The following ZFP64 variants were observed in gnomAD, a reference collection of about 807,000 sequenced individuals.
The protein encoded by ZFP64 is ZFP64 zinc finger protein.
In ZFP64, 14 loss-of-function variants were observed where a neutral mutation model predicts 51.6. The ratio of observed to expected loss-of-function variants is 0.27; its 90% CI spans 0.18 to 0.42. ZFP64 has a LOEUF of 0.42. Ranked by LOEUF, ZFP64 falls within the 10% of genes least tolerant of loss-of-function variation. The probability of loss-of-function intolerance (pLI) is 1.00; values close to 1 mark genes in which losing one functional copy is unlikely to be tolerated. For synonymous variants in ZFP64, 375 were observed against 361.4 expected, an observed-to-expected ratio of 1.04 and a Z score of -0.43; for missense variants, 754 against 906.8, an observed-to-expected ratio of 0.83 and a Z score of 2.16.
chr20:52,149,808 A>G (rs1980700581), downstream of ZFP64, among the ~76,000 whole-genome samples: 1 of 152,244 alleles, frequency 6.6e-6, no homozygotes, highest in African/African-American at 2.4e-5. Flanking sequence ...GCTGGTAGGT[A>G]GAGATCTAAG....
At chr20:52,157,460 G>A (rs548911638) in intron 5 of ZFP64, among the ~76,000 whole-genome samples, 2 of 152,280 alleles carry the variant, frequency 1.3e-5, no homozygotes, top group East Asian at 3.9e-4. Flanking sequence ...GTTTCTCAAA[G>A]GTACATTTTG....
In ZFP64 at chr20:52,121,446, G is replaced by A. The variant is rs549821562; in HGVS notation, c.764-22859C>T. On this transcript the variant is annotated intron_variant, in intron 5 of 8. Coordinates refer to the ZFP64 transcript ENST00000361387. The stretch of plus-strand genomic sequence containing the variant: ...TGGTGAAACTTTTAGTCATCTGGAC[G>A]GAGGGTCAAACCAGCTACAACATGC... Among the ~76,000 whole-genome samples, 204 of 152,294 alleles carry A rather than the reference G, an allele frequency of 1.3e-3. 1 individual carries two copies. The highest frequency in any genetic ancestry group is 4.6e-3 in the African/African-American group (193 of 41,562).
At chr20:52,183,690 G>T (rs2123119308) in intron 2 of ZFP64, among the ~76,000 whole-genome samples, 1 of 152,164 alleles carries the variant, frequency 6.6e-6, no homozygotes, top group African/African-American at 2.4e-5. Context: ...TTTTGTTAAG[G>T]TTTGTGAGGG....
chr20:52,117,389 C>T (rs1046386234), intron 5 of ZFP64, among the ~76,000 whole-genome samples: 35 of 152,164 alleles, frequency 2.3e-4, no homozygotes, highest in East Asian at 9.7e-4. Context: ...GAGGCCAAGG[C>T]GGGAAGATCA....
At chr20:52,155,642 G>T (rs192661181) in intron 5 of ZFP64, among the ~76,000 whole-genome samples, 1 of 150,714 alleles carries the variant, frequency 6.6e-6, no homozygotes, top group African/African-American at 2.5e-5. Flanking sequence ...AAATTCCTTT[G>T]TCTTTTTTTT....
chr20:52,164,955 C>T, intron 3 of ZFP64, 198 bp from the exon 4 acceptor site: 1 of 685,296 alleles, frequency 1.5e-6, no homozygotes, highest in East Asian at 2.8e-5. Context: ...AACTGCATAA[C>T]CTGAATCTGA....
Position 52,132,156 on chromosome 20 carries a change from A to T in ZFP64, c.763+27967T>A, listed in dbSNP as rs187580891. Among the ~76,000 whole-genome samples the T allele has an allele frequency of 4.6e-5, 7 of 152,332 alleles. No individual in the cohort carries two copies. The East Asian group carries it at 1.3e-3, about 29-fold the overall frequency. On this transcript the variant is annotated intron_variant, in intron 5 of 8. Coordinates refer to the ZFP64 transcript ENST00000361387. ...AATGAAGAAATTAAGAAGAAAATTTAAAATTTCTGAGACAAATGATAATGG... is the reference window on the plus strand; with the variant it reads ...AATGAAGAAATTAAGAAGAAAATTTTAAATTTCTGAGACAAATGATAATGG...
Position 52,174,812 on chromosome 20 carries a change from T to G in ZFP64, c.287-8787A>C, listed in dbSNP as rs374689173. ...AAGACTTGGGTTAAAATGGTACAGA[T>G]GTTTTATTACTTGGTGATTATATAA... On this transcript the variant is annotated intron_variant, in intron 2 of 5. Transcript: ENST00000216923. Among the ~76,000 whole-genome samples the G allele has an allele frequency of 3.9e-5, 6 of 152,258 alleles. No homozygotes were observed. In the East Asian group the frequency reaches 9.6e-4, roughly 24 times the overall value.
At chr20:52,174,520 A>G (rs1983025569) in intron 2 of ZFP64, among the ~76,000 whole-genome samples, 1 of 151,624 alleles carries the variant, frequency 6.6e-6, no homozygotes, top group African/African-American at 2.4e-5. Context: ...TTTTAAAAGT[A>G]TAAAACTAGG....
At position 52,153,500 on chromosome 20, in the gene ZFP64, C is replaced by T; in HGVS notation, c.764-72G>A. 6.6e-7 allele frequency: 1 copy of T among 1,521,662 alleles called. No individual in the cohort carries two copies. Among genetic ancestry groups the T allele is most frequent in the South Asian group, 1.3e-5 (1 of 77,190 alleles). The allele number at this position is 1,521,662 out of a possible 1,614,324, so 94.3% of individuals were successfully genotyped here. ...ACAGCGGATCCCCCCGAAGCACACA[C>T]CAGAAAATCGCTTATACAAGGTGGG... On this transcript the variant is annotated intron_variant, in intron 5 of 5. Transcript: ENST00000216923. The surrounding 1 kb of genome is among the most constrained non-coding windows in gnomAD (Gnocchi z 5.1).
chr20:52,150,188 G>A (rs1980722416), downstream of ZFP64, among the ~76,000 whole-genome samples: 1 of 127,322 alleles, frequency 7.9e-6, no homozygotes, highest in East Asian at 2.1e-4. Context: ...CTGGGCAACA[G>A]AGTGAGACTC....
rs1600698266 is a variant in ZFP64, at chr20:52,097,561, T to C, written c.914-126A>G. ...CCTCCGCCTCCCGGGTTCAAGAGAT[T>C]ACCCTGTTTCAGCCTCCTGAGTAGC... is the stretch of plus-strand genomic sequence containing the variant. On this transcript the variant is annotated intron_variant, in intron 6 of 8. Transcript: ENST00000361387. 29 of 823,962 alleles carry C rather than the reference T, an allele frequency of 3.5e-5. No homozygotes were observed. In the East Asian group the frequency reaches 7.4e-4, roughly 21 times the overall value. 51.0% of individuals were successfully genotyped at this position (823,962 alleles called of 1,614,324 possible). A position where few individuals can be genotyped will look rare whatever the true frequency, so the allele number is the denominator to read the frequency against.
Position 52,164,703 on chromosome 20 carries a change from A to G in ZFP64, c.503T>C (p.Ile168Thr). The G allele has an allele frequency of 1.2e-6, 2 of 1,613,856 alleles. No homozygotes were observed. Among genetic ancestry groups the G allele is most frequent in the Non-Finnish European group, 1.7e-6 (2 of 1,179,980 alleles). Residue 168 changes from isoleucine to threonine, a missense_variant, in exon 4 of 6, where the codon ATT becomes ACT. This residue lies in a region of ZFP64 where 231 missense variants were observed against 336.7 expected (regional missense o/e 0.69). Coordinates refer to ENST00000216923, the MANE Select transcript of ZFP64 (RefSeq NM_018197.3). ...GMKDMERHLK[I>T]HTGDKPHKCE... Reference sequence around the variant, plus strand: ...AAAGAAATGCTACTTACCCGTGTGAATTTTTAAATGCCGCTCCATGTCCTT... The same window carrying G: ...AAAGAAATGCTACTTACCCGTGTGAGTTTTTAAATGCCGCTCCATGTCCTT...
At chr20:52,169,122 G>A (rs180704142) in intron 2 of ZFP64, among the ~76,000 whole-genome samples, 1 of 152,306 alleles carries the variant, frequency 6.6e-6, no homozygotes, top group East Asian at 1.9e-4. Context: ...TATAAATGGG[G>A]ACAATCACCA....
At chr20:52,175,575 C>T (rs577829395) in intron 2 of ZFP64, among the ~76,000 whole-genome samples, 13 of 152,182 alleles carry the variant, frequency 8.5e-5, no homozygotes, top group Admixed American at 5.9e-4. Flanking sequence ...CCGGGCATGG[C>T]GGCTCACGCC....
chr20:52,140,024 G>A (rs767142817), intron 5 of ZFP64, among the ~76,000 whole-genome samples: 38 of 151,864 alleles, frequency 2.5e-4, no homozygotes, highest in Non-Finnish European at 3.4e-4. Flanking sequence ...TCTGTGATTG[G>A]TGATCTTTGG....
chr20:52,110,910 C>A, intron 5 of ZFP64: 3 of 1,606,474 alleles, frequency 1.9e-6, no homozygotes, highest in Non-Finnish European at 2.6e-6. Flanking sequence ...CAGCAAGACG[C>A]CTGAACTCAT....
chr20:52,164,824 G>T, intron 3 of ZFP64, 67 bp from the exon 4 acceptor site: 1 of 1,333,488 alleles, frequency 7.5e-7, no homozygotes. Flanking sequence ...GAGAAAACTG[G>T]TAGAAACATC....
At chr20:52,123,373 C>T (rs975478080) in intron 5 of ZFP64, among the ~76,000 whole-genome samples, 6 of 152,118 alleles carry the variant, frequency 3.9e-5, no homozygotes, top group Non-Finnish European at 8.8e-5. Flanking sequence ...TTGCATGCTA[C>T]GGAGAAATCT....
Sources: allele counts gnomAD v4.1 joint callset (sites outside exome capture counted in the v4.1 genomes callset), GRCh38; gene constraint gnomAD v4.1.1; regional missense constraint gnomAD v4.1.1; non-coding constraint Gnocchi (gnomAD v3.1); transcripts MANE v1.5; gene names NCBI Gene and HGNC (gene_info 2026-07-23, HGNC 2026-07-21).